The following ROBO2 variants were observed in gnomAD, a reference collection of about 807,000 sequenced individuals.
ROBO2 encodes roundabout homolog 2.
In ROBO2, 53 loss-of-function variants were observed where a neutral mutation model predicts 160.8. The ratio of observed to expected loss-of-function variants is 0.33; its 90% CI spans 0.26 to 0.41. ROBO2 has a LOEUF of 0.41. Among genes scored for constraint, ROBO2 ranks in the 10% least tolerant of loss-of-function variants. ROBO2 has a pLI of 1.00. For missense variants in ROBO2, 1,577 were observed against 1,722.4 expected (o/e 0.92, Z 1.49); for synonymous variants, 664 against 611.7 (o/e 1.09, Z -1.26).
rs553819451 is a variant in ROBO2, at chr3:76,658,064, C to CTGAA, written c.110-439948_110-439945dup. The stretch of plus-strand genomic sequence containing the variant: ...CTTGGGTGACAGAGCGAGATCCTGT[C>CTGAA]TGAATAAATAAATAAATAAATAAAT... On this transcript the variant is annotated intron_variant, in intron 2 of 26. Coordinates refer to the ROBO2 transcript ENST00000487694. 3.5e-3 allele frequency among the ~76,000 whole-genome samples: 339 copies of CTGAA among 98,120 alleles called. 1 individual carries two copies. The highest frequency in any genetic ancestry group is 0.011 in the African/African-American group (329 of 28,912). 64.4% of individuals were successfully genotyped at this position (98,120 alleles called of 152,430 possible). A position where few individuals can be genotyped will look rare whatever the true frequency, so the allele number is the denominator to read the frequency against.
chr3:77,308,949 C>G (rs2063318986), intron 2 of ROBO2, among the ~76,000 whole-genome samples: 1 of 151,950 alleles, frequency 6.6e-6, no homozygotes. Flanking sequence ...ACTTTTAGTC[C>G]AATATTTTCT....
rs1280274423 is a variant in ROBO2 at position 77,067,014 on chromosome 3, T to TCACACA, written c.61+26176_61+26181dup. 3.0e-5 allele frequency among the ~76,000 whole-genome samples: 4 copies of TCACACA among 133,138 alleles called. No homozygotes were observed. In the East Asian group the frequency reaches 7.6e-4, roughly 25 times the overall value. 87.3% of individuals were successfully genotyped at this position (133,138 alleles called of 152,430 possible). On this transcript the variant is annotated intron_variant, in intron 1 of 25. Coordinates refer to ENST00000461745, the Ensembl canonical transcript of ROBO2. ...AACACACACATACACTCACACACTC[T>TCACACA]CACACACACACACTCACACACACAC...
intron 2 of ROBO2, among the ~76,000 whole-genome samples, chr3:76,269,691 C>A (rs1365881868): frequency 6.6e-6 from 1 of 151,936 alleles, no homozygotes; most frequent in Non-Finnish European, 1.5e-5. Flanking sequence ...TTATAACCTC[C>A]CTTACATTTT....
intron 2 of ROBO2, among the ~76,000 whole-genome samples, chr3:77,390,896 TTCTC>T (rs1368559424): frequency 1.3e-5 from 2 of 152,070 alleles, no homozygotes; most frequent in African/African-American, 4.8e-5. Context: ...ACCAGTCTCT[TTCTC>T]TCTTTCAGCT....
At chr3:77,596,990 T>A (rs906118257) in intron 19 of ROBO2, among the ~76,000 whole-genome samples, 1 of 152,036 alleles carries the variant, frequency 6.6e-6, no homozygotes, top group African/African-American at 2.4e-5. Flanking sequence ...ACCAAGATGA[T>A]AAATATTTAT....
At chr3:77,530,256 C>T (rs2949002) in intron 6 of ROBO2, among the ~76,000 whole-genome samples, 114,720 of 151,782 alleles carry the variant, frequency 0.76, 43,614 homozygotes, top group Admixed American at 0.82. Context: ...ATAGTTTCTG[C>T]CTAGAGCTTT....
At chr3:76,248,967 T>C (rs1291363647) in intron 2 of ROBO2, among the ~76,000 whole-genome samples, 1 of 152,140 alleles carries the variant, frequency 6.6e-6, no homozygotes, top group Non-Finnish European at 1.5e-5. Flanking sequence ...TTTTCTAACA[T>C]GATTGACTGA....
At chr3:76,996,087 C>A (rs1305796839) in intron 2 of ROBO2, among the ~76,000 whole-genome samples, 5 of 152,134 alleles carry the variant, frequency 3.3e-5, no homozygotes, top group Non-Finnish European at 7.3e-5. Flanking sequence ...GGTTTTAGGT[C>A]TAACATTTAA....
intron 2 of ROBO2, among the ~76,000 whole-genome samples, chr3:76,834,190 T>TC (rs1491550136): frequency 3.5e-5 from 5 of 141,210 alleles, no homozygotes; most frequent in Non-Finnish European, 4.7e-5. Flanking sequence ...TCTCTCTCTC[T>TC]TTCTTTCTTT....
At chr3:77,161,530 T>C (rs2078484959) in intron 2 of ROBO2, among the ~76,000 whole-genome samples, 1 of 152,230 alleles carries the variant, frequency 6.6e-6, no homozygotes, top group Non-Finnish European at 1.5e-5. Flanking sequence ...TTAAATACTT[T>C]TGCATAACCT....
rs574475049 is a variant in ROBO2, at chr3:77,126,398, T to G, written c.388+28058T>G. Among the ~76,000 whole-genome samples, 5 of 152,328 alleles carry G rather than the reference T, an allele frequency of 3.3e-5. No homozygotes were observed. The East Asian group carries it at 9.6e-4, about 29-fold the overall frequency. ...GCCTACTTAAAATTCACAAATCAGA[T>G]TTACAGATTCCAATTTGTGTAAGAG... On this transcript the variant is annotated intron_variant, in intron 2 of 25. Coordinates refer to ENST00000461745, the Ensembl canonical transcript of ROBO2.
chr3:76,702,920 A>C (rs1024323659), intron 2 of ROBO2, among the ~76,000 whole-genome samples: 1 of 152,214 alleles, frequency 6.6e-6, no homozygotes, highest in East Asian at 1.9e-4. Context: ...TTACTTTTAA[A>C]CCTTCCTATG....
At chr3:76,251,328 C>T (rs1705985020) in intron 2 of ROBO2, among the ~76,000 whole-genome samples, 1 of 151,940 alleles carries the variant, frequency 6.6e-6, no homozygotes, top group African/African-American at 2.4e-5. Flanking sequence ...ATGAAAGAGC[C>T]AGATGTCAGG....
chr3:77,354,528 A>T (rs905942087), intron 2 of ROBO2, among the ~76,000 whole-genome samples: 1 of 152,182 alleles, frequency 6.6e-6, no homozygotes, highest in Non-Finnish European at 1.5e-5. Context: ...CCTCTGGGAA[A>T]CCAAAGGCCT....
chr3:76,137,308 A>G (rs1212976947), intron 2 of ROBO2, among the ~76,000 whole-genome samples: 1 of 151,996 alleles, frequency 6.6e-6, no homozygotes, highest in East Asian at 1.9e-4. Context: ...TCGTAGTGGT[A>G]TTTCCATTTA....
chr3:77,450,211 A>G (rs1475296344), intron 2 of ROBO2, among the ~76,000 whole-genome samples: 3 of 152,138 alleles, frequency 2.0e-5, no homozygotes, highest in Admixed American at 6.6e-5. Context: ...AGTTGTTAGA[A>G]TATTCAAACT....
chr3:76,739,483 G>T lies in ROBO2; in HGVS notation c.110-358531G>T, dbSNP rs541356855. Among the ~76,000 whole-genome samples, 14 of 149,502 alleles carry T rather than the reference G, an allele frequency of 9.4e-5. No homozygotes were observed. In the Admixed American group the frequency reaches 9.4e-4, roughly 10 times the overall value. On this transcript the variant is annotated intron_variant, in intron 2 of 26. Transcript: ENST00000487694. ...CATCACACTCTGGGGACTGTTGTGG[G>T]GTTGGGGGAGGGGGGAGGGATAGCA...
chr3:76,318,271 G>A (rs1214548525), intron 2 of ROBO2, among the ~76,000 whole-genome samples: 1 of 152,018 alleles, frequency 6.6e-6, no homozygotes, highest in Non-Finnish European at 1.5e-5. Context: ...GGTAGCAGAC[G>A]GTTGCACCAC....
At chr3:77,304,406 G>A (rs1323090701) in intron 2 of ROBO2, among the ~76,000 whole-genome samples, 2 of 152,160 alleles carry the variant, frequency 1.3e-5, no homozygotes, top group African/African-American at 4.8e-5. Context: ...CTTGAGAAAG[G>A]CAGAGTCAAA....
Sources: allele counts gnomAD v4.1 joint callset (sites outside exome capture counted in the v4.1 genomes callset), GRCh38; gene constraint gnomAD v4.1.1; transcripts MANE v1.5; gene names NCBI Gene and HGNC (gene_info 2026-07-23, HGNC 2026-07-21).